Variants in CAMTA2 observed in about 807,000 individuals in gnomAD.
CAMTA2 encodes calmodulin-binding transcription activator 2.
CAMTA2 carries 56 observed loss-of-function variants against 135.7 expected under a neutral mutation model. The observed-to-expected ratio is 0.41, with a 90% CI of 0.33 to 0.52. CAMTA2 has a LOEUF of 0.52. CAMTA2 is among the 20% of genes least tolerant of loss of function. CAMTA2 has a pLI of 0.16. For synonymous variants in CAMTA2, 591 were observed against 604.6 expected, an observed-to-expected ratio of 0.98 and a Z score of 0.33; for missense variants, 1,358 against 1,553.4, an observed-to-expected ratio of 0.87 and a Z score of 2.11.
At chr17:4,982,654 G>T in intron 5 of CAMTA2, 103 bp downstream of exon 5, 1 of 1,266,260 alleles carries the variant, frequency 7.9e-7, no homozygotes. Flanking sequence ...ACTGGGAGGG[G>T]ACTGAGGTGG....
rs1273602653 is a variant in CAMTA2, at chr17:4,972,337, G to C, written c.2703C>G (p.Thr901=). The C allele has an allele frequency of 6.2e-7, 1 of 1,613,652 alleles. No individual in the cohort carries two copies. Among genetic ancestry groups the C allele is most frequent in the South Asian group, 1.1e-5 (1 of 91,060 alleles). Residue 901 remains threonine (T), a synonymous_variant, in exon 16 of 23, where the codon ACC becomes ACG. Coordinates refer to ENST00000348066, the MANE Select transcript of CAMTA2 (RefSeq NM_015099.4). ...GGGAGGAGAGGGGCCCCTTGGAGTTGGTAGCCTCATAGTCCATGAGGAGTA... is the reference window on the plus strand; with the variant it reads ...GGGAGGAGAGGGGCCCCTTGGAGTTCGTAGCCTCATAGTCCATGAGGAGTA... ...APLLLMDYEA[T]NSKGPLSSLP...
chr17:4,986,340 G>T, intron 1 of CAMTA2, 54 bp from the exon 2 acceptor site: 1 of 719,552 alleles, frequency 1.4e-6, no homozygotes, highest in Non-Finnish European at 2.4e-6. Context: ...AATCCAGGAT[G>T]AGAAGTATGA....
At chr17:4,972,168 G>C in intron 16 of CAMTA2, 64 bp downstream of exon 16, 1 of 1,361,168 alleles carries the variant, frequency 7.3e-7, no homozygotes. Flanking sequence ...CTGCTTCATG[G>C]AAGTCGGCCT....
At chr17:4,987,014 C>T (rs1260353602) in intron 1 of CAMTA2, 2 of 1,433,384 alleles carry the variant, frequency 1.4e-6, no homozygotes, top group Non-Finnish European at 1.8e-6. Flanking sequence ...CAGATGGGAG[C>T]TGGCGGAGGC....
At chr17:4,978,457 AC>A (rs1193583245) in intron 10 of CAMTA2, 46 bp downstream of exon 10, 1 of 1,602,540 alleles carries the variant, frequency 6.2e-7, no homozygotes, top group Non-Finnish European at 8.5e-7. Context: ...ATCTGTCCTA[AC>A]TGCCCACATG....
At chr17:4,987,570 G>C (rs1448064943) in intron 1 of CAMTA2, 23 bp downstream of exon 1, 1 of 1,511,984 alleles carries the variant, frequency 6.6e-7, no homozygotes, top group South Asian at 1.2e-5. Flanking sequence ...GCGGAGAGGC[G>C]GGCGAGAGGC....
chr17:4,973,407 GTGT>G (rs1972425853), intron 13 of CAMTA2, among the ~76,000 whole-genome samples, 154 bp from the exon 14 acceptor site: 1 of 152,230 alleles, frequency 6.6e-6, no homozygotes, highest in Non-Finnish European at 1.5e-5. Flanking sequence ...AGAAGTCAAA[GTGT>G]TGTAAGTCAG....
At chr17:4,987,137 G>A in intron 1 of CAMTA2, 1 of 1,360,834 alleles carries the variant, frequency 7.3e-7, no homozygotes. Context: ...CAGGGCGCAG[G>A]TGCGCAGTCC....
At position 4,968,362 on chromosome 17, in the gene CAMTA2, T is replaced by C; in HGVS notation, c.*394A>G. 3.1e-6 allele frequency: 1 copy of C among 319,004 alleles called. No individual in the cohort carries two copies. The highest frequency in any genetic ancestry group is 3.7e-5 in the South Asian group (1 of 27,132). 19.8% of individuals were successfully genotyped at this position (319,004 alleles called of 1,614,324 possible). ...GGTCAGCCCTGAAACACGAGGGGCG[T>C]GCGCAGCGAAGGCAGTGGTGGGAAC... On this transcript the variant is annotated 3_prime_UTR_variant, in exon 23 of 23. Transcript: ENST00000348066.
Position 4,972,505 on chromosome 17 carries a change from C to T in CAMTA2, c.2535G>A (p.Leu845=), listed in dbSNP as rs752821953. Residue 845 remains leucine, a synonymous_variant, in exon 16 of 23, where the codon CTG becomes CTA. Coordinates refer to ENST00000348066, the MANE Select transcript of CAMTA2 (RefSeq NM_015099.4). ...GLSSVSSPSE[L]SDGTFSVTSA... is the part of the protein sequence containing the mutation. ...ACGTGACGGAAAAGGTGCCATCCGA[C>T]AGCTCCGAGGGCGAGGAGACGCTGC... The T allele has an allele frequency of 6.2e-7, 1 of 1,609,926 alleles. No homozygotes were observed. Among genetic ancestry groups the T allele is most frequent in the Admixed American group, 1.7e-5 (1 of 58,894 alleles).
At chr17:4,985,030 A>AAAT (rs35783202) in intron 3 of CAMTA2, among the ~76,000 whole-genome samples, 2 of 147,016 alleles carry the variant, frequency 1.4e-5, no homozygotes, top group Non-Finnish European at 3.0e-5. Flanking sequence ...AAAAAAACAA[A>AAAT]CAAAAATTAG....
At position 4,972,517 on chromosome 17, in the gene CAMTA2, C is replaced by T. The variant is rs367680855; in HGVS notation, c.2523G>A (p.Ser841=). 1.1e-5 allele frequency: 17 copies of T among 1,606,290 alleles called. No homozygotes were observed. Among genetic ancestry groups the T allele is most frequent in the East Asian group, 4.5e-5 (2 of 44,618 alleles). ...SPDTGLSSVS[S]PSELSDGTFS... ...AGGTGCCATCCGACAGCTCCGAGGG[C>T]GAGGAGACGCTGCTCAGACCTGTGT... is the stretch of plus-strand genomic sequence containing the variant. The change falls in exon 16 of 23, where the codon TCG becomes TCA. Residue 841 remains serine, a synonymous_variant. Transcript: ENST00000348066.
In CAMTA2 at chr17:4,968,598, G is replaced by A. The variant is rs905381034; in HGVS notation, c.*158C>T. On this transcript the variant is annotated 3_prime_UTR_variant, in exon 23 of 23. Coordinates refer to ENST00000348066, the MANE Select transcript of CAMTA2 (RefSeq NM_015099.4). ...CCAGGAGGGACGAGGAGAGGGGTGTGGGAGCAAGGCGTGGGGAGGAGGGAG... is the reference window on the plus strand; with the variant it reads ...CCAGGAGGGACGAGGAGAGGGGTGTAGGAGCAAGGCGTGGGGAGGAGGGAG... The A allele has an allele frequency of 1.3e-6, 1 of 741,628 alleles. No individual in the cohort carries two copies. Among genetic ancestry groups the A allele is most frequent in the Admixed American group, 2.3e-5 (1 of 42,954 alleles). 45.9% of individuals were successfully genotyped at this position (741,628 alleles called of 1,614,324 possible).
chr17:4,978,080 A>G (rs942467954), intron 10 of CAMTA2, among the ~76,000 whole-genome samples: 1 of 152,224 alleles, frequency 6.6e-6, no homozygotes, highest in Non-Finnish European at 1.5e-5. Context: ...CTAAAAGCCA[A>G]TGTCCTTCAG....
At chr17:4,975,868 G>T (rs1449503306) in intron 11 of CAMTA2, among the ~76,000 whole-genome samples, 1 of 54,024 alleles carries the variant, frequency 1.9e-5, no homozygotes, top group African/African-American at 8.1e-5. Flanking sequence ...GAGAGAACCA[G>T]TAACAGGAAC....
chr17:4,968,747 G>C lies in CAMTA2; in HGVS notation c.*9C>G. 6.2e-7 allele frequency: 1 copy of C among 1,614,022 alleles called. No homozygotes were observed. Among genetic ancestry groups the C allele is most frequent in the Non-Finnish European group, 8.5e-7 (1 of 1,180,004 alleles). On this transcript the variant is annotated 3_prime_UTR_variant, in exon 23 of 23. Coordinates refer to ENST00000348066, the MANE Select transcript of CAMTA2 (RefSeq NM_015099.4). ...CGCCCCCAGGGTGGTGAGAAAGGCGGTGGCCAGGTCATGTGGCCAGTCCCG... is the reference window on the plus strand; with the variant it reads ...CGCCCCCAGGGTGGTGAGAAAGGCGCTGGCCAGGTCATGTGGCCAGTCCCG...
Position 4,982,858 on chromosome 17 carries a change from T to G in CAMTA2, c.238A>C (p.Lys80Gln). ...QNGSIILYNR[K>Q]KVKYRKDGYL... ...CCATCCTTCCGATATTTCACCTTCT[T>G]GCGATTGTAGAGGATGATGGAGCCA... is the stretch of plus-strand genomic sequence containing the variant. Residue 80 changes from lysine (K) to glutamine (Q), a missense_variant, in exon 5 of 23, where the codon AAG becomes CAG. Physicochemically the swap from Lys to Gln is moderately conservative, Grantham distance 53. Coordinates refer to ENST00000348066, the MANE Select transcript of CAMTA2 (RefSeq NM_015099.4). 1.9e-6 allele frequency: 3 copies of G among 1,614,048 alleles called. No homozygotes were observed. The highest frequency in any genetic ancestry group is 2.5e-6 in the Non-Finnish European group (3 of 1,180,004).
At chr17:4,973,978 C>T in intron 12 of CAMTA2, 1 of 579,876 alleles carries the variant, frequency 1.7e-6, no homozygotes, top group Non-Finnish European at 3.0e-6. Context: ...CTCACACAAT[C>T]TTGCCCATGT....
In CAMTA2 at chr17:4,970,331, G is replaced by A. The variant is rs763907850; in HGVS notation, c.3005+9C>T. The stretch of plus-strand genomic sequence containing the variant: ...GAAGAATCTGGAGGCTTTGTCCTGA[G>A]CTAGTCACCTGGGAGGGGTTGAGCT... On this transcript the variant is annotated intron_variant, in intron 17 of 22. Transcript: ENST00000348066. The A allele has an allele frequency of 6.2e-7, 1 of 1,613,798 alleles. No homozygotes were observed. The highest frequency in any genetic ancestry group is 1.3e-5 in the African/African-American group (1 of 75,070).
Sources: gnomAD v4.1 joint callset for allele counts (sites outside exome capture counted in the v4.1 genomes callset) on GRCh38, gnomAD v4.1.1 for gene constraint, MANE v1.5 for transcripts, NCBI Gene and HGNC (gene_info 2026-07-23, HGNC 2026-07-21) for gene names.